The following FOXN3 variants were observed in gnomAD, a reference collection of about 807,000 sequenced individuals.
The protein encoded by FOXN3 is forkhead box N3, also known as forkhead box protein N3.
Under a neutral mutation model 38.4 loss-of-function variants are expected in FOXN3, and 7 were observed. That is an observed-to-expected ratio of 0.18 (90% CI 0.10 to 0.34). The LOEUF (loss-of-function observed/expected upper bound fraction) is 0.34. FOXN3 is among the 10% of genes least tolerant of loss of function. The pLI, the probability that FOXN3 is intolerant of heterozygous loss-of-function variation, is 1.00. For missense variants in FOXN3, 456 were observed against 613.4 expected, an observed-to-expected ratio of 0.74 and a Z score of 2.71; for synonymous variants, 230 against 242.2, an observed-to-expected ratio of 0.95 and a Z score of 0.47.
intron 1 of FOXN3, among the ~76,000 whole-genome samples, chr14:89,507,492 CT>C (rs1893969462): frequency 6.6e-6 from 1 of 152,204 alleles, no homozygotes; most frequent in Non-Finnish European, 1.5e-5. Flanking sequence ...CTGAAAAGGT[CT>C]TTCTATTTGA....
chr14:89,260,399 C>A (rs1019531438), intron 4 of FOXN3, among the ~76,000 whole-genome samples: 1 of 152,248 alleles, frequency 6.6e-6, no homozygotes, highest in South Asian at 2.1e-4. Context: ...TGCACCAGAG[C>A]TCTGGGCTGG....
chr14:89,379,576 C>T (rs1044097415), intron 2 of FOXN3, among the ~76,000 whole-genome samples: 19 of 152,306 alleles, frequency 1.2e-4, no homozygotes, highest in African/African-American at 4.3e-4. Flanking sequence ...AAGAACTACT[C>T]AGCTTTGGCA....
chr14:89,586,890 T>C (rs1895853252), intron 1 of FOXN3, among the ~76,000 whole-genome samples: 1 of 152,228 alleles, frequency 6.6e-6, no homozygotes, highest in South Asian at 2.1e-4. Flanking sequence ...GTATCCATAA[T>C]ATAAAAGCAA....
chr14:89,329,552 C>G (rs1439724046), intron 3 of FOXN3, among the ~76,000 whole-genome samples: 1 of 152,196 alleles, frequency 6.6e-6, no homozygotes, highest in South Asian at 2.1e-4. Context: ...GACAGCCTCT[C>G]ACAATAAACA....
chr14:89,225,086 G>A (rs1884589854), intron 4 of FOXN3, among the ~76,000 whole-genome samples: 2 of 146,004 alleles, frequency 1.4e-5, no homozygotes, highest in East Asian at 4.1e-4. Context: ...CCGAGATTGT[G>A]CCACTGCACT....
chr14:89,442,065 TA>T (rs1406198020), intron 1 of FOXN3, among the ~76,000 whole-genome samples: 2 of 152,058 alleles, frequency 1.3e-5, no homozygotes, highest in African/African-American at 4.8e-5. Context: ...TAGCTGGGAT[TA>T]CAGGCATGCG....
chr14:89,212,944 G>A (rs924936799), intron 4 of FOXN3, among the ~76,000 whole-genome samples: 1 of 152,156 alleles, frequency 6.6e-6, no homozygotes, highest in Non-Finnish European at 1.5e-5. Flanking sequence ...CTTTTAAGTT[G>A]ACAATTTCAA....
chr14:89,236,660 T>C (rs1041645700), intron 4 of FOXN3, among the ~76,000 whole-genome samples: 5 of 152,236 alleles, frequency 3.3e-5, no homozygotes, highest in African/African-American at 1.2e-4. Flanking sequence ...TGTTCCCAAT[T>C]TGCACATGCT....
chr14:89,514,435 G>C (rs781082693), intron 1 of FOXN3, among the ~76,000 whole-genome samples: 3 of 152,194 alleles, frequency 2.0e-5, no homozygotes, highest in Non-Finnish European at 4.4e-5. Flanking sequence ...CACATGCCAA[G>C]ACAACAGCAA....
chr14:89,262,123 A>AG (rs1265410100), intron 4 of FOXN3, among the ~76,000 whole-genome samples: 3 of 151,870 alleles, frequency 2.0e-5, no homozygotes, highest in Non-Finnish European at 4.4e-5. Context: ...AAAAAGGAGA[A>AG]GAAGAAGAAG....
rs115167358 is a variant in FOXN3 at position 89,598,220 on chromosome 14, A to G, written c.-15+20808T>C. ...TTTGGATTTATGTTCTACTTTTACC[A>G]TGTATGTTATTCCCTACATATTTTA... On this transcript the variant is annotated intron_variant, in intron 1 of 6. Transcript: ENST00000345097. Among the ~76,000 whole-genome samples, 1,464 of 152,262 alleles carry G rather than the reference A, an allele frequency of 9.6e-3. 15 individuals are homozygous for G. Among genetic ancestry groups the G allele is most frequent in the African/African-American group, 0.033 (1,376 of 41,552 alleles).
intron 1 of FOXN3, among the ~76,000 whole-genome samples, chr14:89,571,322 A>C (rs1457626440): frequency 6.6e-6 from 1 of 152,144 alleles, no homozygotes; most frequent in Non-Finnish European, 1.5e-5. Flanking sequence ...CAGCCTGGCC[A>C]ACATGGTGAA....
chr14:89,405,405 G>T (rs1161752183), intron 2 of FOXN3, among the ~76,000 whole-genome samples: 6 of 152,014 alleles, frequency 3.9e-5, no homozygotes, highest in Non-Finnish European at 8.8e-5. Context: ...CTAAAGTGTG[G>T]GATTACAGAC....
chr14:89,616,693 A>AGAGTTTT (rs1896502171), intron 1 of FOXN3, among the ~76,000 whole-genome samples: 1 of 152,230 alleles, frequency 6.6e-6, no homozygotes, highest in Admixed American at 6.5e-5. Flanking sequence ...GGCTCTCAAA[A>AGAGTTTT]GAGTTTTGTT....
chr14:89,226,133 G>A (rs1884631006), intron 4 of FOXN3, among the ~76,000 whole-genome samples: 1 of 145,640 alleles, frequency 6.9e-6, no homozygotes, highest in African/African-American at 2.6e-5. Context: ...GGAGGGGAAG[G>A]AAATCTAGTT....
rs1471696513 is a variant in FOXN3 at position 89,173,901 on chromosome 14, T to C, written c.851+6800A>G. ...AAACACTTGAGAGGCTGAGAGGTGG[T>C]AGGATCACTTGAGCCCGGGAGGATG... is the stretch of plus-strand genomic sequence containing the variant. On this transcript the variant is annotated intron_variant, in intron 5 of 5. Coordinates refer to ENST00000557258, the MANE Select transcript of FOXN3 (RefSeq NM_005197.4). Among the ~76,000 whole-genome samples the C allele has an allele frequency of 2.6e-5, 4 of 152,008 alleles. No individual in the cohort carries two copies. In the East Asian group the frequency reaches 7.7e-4, roughly 29 times the overall value.
intron 3 of FOXN3, among the ~76,000 whole-genome samples, chr14:89,330,445 A>T (rs1313608173): frequency 6.6e-6 from 1 of 152,168 alleles, no homozygotes. Context: ...CTCATATCCA[A>T]ACATGTGAAG....
intron 1 of FOXN3, among the ~76,000 whole-genome samples, chr14:89,429,347 C>T (rs897581657): frequency 6.6e-6 from 1 of 152,188 alleles, no homozygotes; most frequent in African/African-American, 2.4e-5. Flanking sequence ...GTGACATCCT[C>T]GGTCTAAAAC....
intron 1 of FOXN3, among the ~76,000 whole-genome samples, chr14:89,460,472 T>C (rs1892821778): frequency 6.6e-6 from 1 of 152,022 alleles, no homozygotes; most frequent in Admixed American, 6.6e-5. Context: ...ACCGTCAGAG[T>C]GCACAGTGAG....
Sources: gnomAD v4.1 joint callset for allele counts (sites outside exome capture counted in the v4.1 genomes callset) on GRCh38, gnomAD v4.1.1 for gene constraint, MANE v1.5 for transcripts, NCBI Gene and HGNC (gene_info 2026-07-23, HGNC 2026-07-21) for gene names.